Variants in EPB41L4A observed in about 807,000 individuals in gnomAD.
EPB41L4A encodes band 4.1-like protein 4A.
In EPB41L4A, 100 loss-of-function variants were observed where a neutral mutation model predicts 108.6. The observed-to-expected ratio is 0.92, with a 90% CI of 0.78 to 1.09. The LOEUF is 1.09. Ranked by LOEUF, EPB41L4A falls within the 50% of genes least tolerant of loss-of-function variation. The probability of loss-of-function intolerance (pLI) is 0.00; values close to 1 mark genes in which losing one functional copy is unlikely to be tolerated. For synonymous variants in EPB41L4A, 319 were observed against 289.0 expected (o/e 1.10, Z -1.05); for missense variants, 1,030 against 842.7 (o/e 1.22, Z -2.75).
At chr5:112,376,841 CAG>C (rs141783439) in intron 1 of EPB41L4A, among the ~76,000 whole-genome samples, 5,139 of 152,142 alleles carry the variant, frequency 0.034, 152 homozygotes, top group African/African-American at 0.078. Context: ...ATTATAGAAA[CAG>C]AGAATAGATT....
intron 1 of EPB41L4A, among the ~76,000 whole-genome samples, chr5:112,316,444 C>A (rs1455991102): frequency 6.6e-6 from 1 of 152,036 alleles, no homozygotes; most frequent in Non-Finnish European, 1.5e-5. Flanking sequence ...GCAAAGTGGG[C>A]GCACGGAGGA....
At chr5:112,210,094 T>C (rs1762663844) in intron 12 of EPB41L4A, 112 bp from the exon 13 acceptor site, 1 of 611,556 alleles carries the variant, frequency 1.6e-6, no homozygotes, top group Admixed American at 3.2e-5. Flanking sequence ...TGGCACATTT[T>C]ATTGATAAAT....
At chr5:112,410,740 G>A (rs1762360187) in intron 1 of EPB41L4A, among the ~76,000 whole-genome samples, 1 of 152,112 alleles carries the variant, frequency 6.6e-6, no homozygotes, top group Non-Finnish European at 1.5e-5. Flanking sequence ...TATCGCCCAA[G>A]AATGGCCATG....
chr5:112,155,597 T>G (rs936855731), intron 12 of EPB41L4A, among the ~76,000 whole-genome samples: 1 of 152,022 alleles, frequency 6.6e-6, no homozygotes, highest in Non-Finnish European at 1.5e-5. Context: ...CACCACCACA[T>G]CTTCCTCCCT....
rs538374186 is a variant in EPB41L4A at position 112,358,222 on chromosome 5, T to C, written c.100-50732A>G. On this transcript the variant is annotated intron_variant, in intron 1 of 22. Transcript: ENST00000261486. Reference sequence around the variant, plus strand: ...TCAAGGGAGAGGTAATGATTTGTCCTTACTGTATATGTCCAGCTGTGAACT... The same window carrying C: ...TCAAGGGAGAGGTAATGATTTGTCCCTACTGTATATGTCCAGCTGTGAACT... Among the ~76,000 whole-genome samples the C allele has an allele frequency of 3.3e-5, 5 of 152,362 alleles. No individual in the cohort carries two copies. The East Asian group carries it at 7.7e-4, about 24-fold the overall frequency.
Position 112,144,820 on chromosome 5 carries a change from T to A in EPB41L4A, n.1113-940A>T, listed in dbSNP as rs551897146. Among the ~76,000 whole-genome samples the A allele has an allele frequency of 6.1e-4, 93 of 152,268 alleles. 1 individual carries two copies. The highest frequency in any genetic ancestry group is 1.2e-3 in the Non-Finnish European group (79 of 68,020). ...TTGAATGTGTGACATAAATGTCACA[T>A]GTATGAATATGTAATCTTGTGCCCA... On this transcript the variant is annotated intron_variant and non_coding_transcript_variant, in intron 13 of 13. Transcript: ENST00000507810.
intron 15 of EPB41L4A, among the ~76,000 whole-genome samples, chr5:112,200,678 T>C (rs1220417661): frequency 6.6e-6 from 1 of 152,194 alleles, no homozygotes; most frequent in Non-Finnish European, 1.5e-5. Flanking sequence ...TGACTTTCTT[T>C]TTCTAGAATA....
At chr5:112,261,205 T>C (rs557527853) in intron 7 of EPB41L4A, among the ~76,000 whole-genome samples, 1 of 152,328 alleles carries the variant, frequency 6.6e-6, no homozygotes, top group South Asian at 2.1e-4. Flanking sequence ...AGGGAACTAC[T>C]TCTTCCCCAC....
At chr5:112,277,824 T>C (rs1752710729) in intron 3 of EPB41L4A, among the ~76,000 whole-genome samples, 1 of 152,218 alleles carries the variant, frequency 6.6e-6, no homozygotes, top group South Asian at 2.1e-4. Context: ...ATTCTAAGAC[T>C]GACTACAAAA....
chr5:112,310,812 C>T (rs12654353), intron 1 of EPB41L4A, among the ~76,000 whole-genome samples: 6,089 of 152,160 alleles, frequency 0.04, 476 homozygotes, highest in East Asian at 0.33. Flanking sequence ...AGGAATCAGG[C>T]TCCCAGAATA....
intron 1 of EPB41L4A, among the ~76,000 whole-genome samples, chr5:112,346,717 C>T (rs1417029983): frequency 6.6e-6 from 1 of 152,156 alleles, no homozygotes; most frequent in African/African-American, 2.4e-5. Context: ...GACTATCAAC[C>T]CTTTGTAATG....
chr5:112,176,881 A>G (rs1760896015), intron 18 of EPB41L4A, among the ~76,000 whole-genome samples: 1 of 150,106 alleles, frequency 6.7e-6, no homozygotes, highest in Admixed American at 6.7e-5. Flanking sequence ...CAGCCTCCCA[A>G]GTAGCTGGGA....
chr5:112,257,491 G>A (rs997059494), intron 9 of EPB41L4A, among the ~76,000 whole-genome samples: 5 of 152,132 alleles, frequency 3.3e-5, no homozygotes, highest in African/African-American at 4.8e-5. Flanking sequence ...AGGGTCATTC[G>A]ATGGAGACTG....
chr5:112,371,103 AATT>A, intron 1 of EPB41L4A, among the ~76,000 whole-genome samples: 2 of 152,212 alleles, frequency 1.3e-5, no homozygotes, highest in African/African-American at 4.8e-5. Context: ...TAATTTCTGT[AATT>A]TAATTTAGGA....
upstream of EPB41L4A, chr5:112,419,370 C>G: frequency 2.8e-6 from 1 of 361,756 alleles, no homozygotes; most frequent in Non-Finnish European, 5.3e-6. Flanking sequence ...GTCCTGGGGA[C>G]GACAAAAGTC....
chr5:112,408,973 G>A (rs1365355775), intron 1 of EPB41L4A, among the ~76,000 whole-genome samples: 1 of 151,954 alleles, frequency 6.6e-6, no homozygotes, highest in African/African-American at 2.4e-5. Context: ...ATACACAAGA[G>A]TAATTAAAGC....
chr5:112,347,288 T>C (rs1233617281), intron 1 of EPB41L4A, among the ~76,000 whole-genome samples: 2 of 152,232 alleles, frequency 1.3e-5, no homozygotes, highest in Non-Finnish European at 2.9e-5. Context: ...CCTGTTTCAC[T>C]GTGTTGACAT....
chr5:112,321,496 GCATT>G (rs1561569872), intron 1 of EPB41L4A, among the ~76,000 whole-genome samples: 1 of 152,072 alleles, frequency 6.6e-6, no homozygotes, highest in African/African-American at 2.4e-5. Flanking sequence ...AAAACATACT[GCATT>G]ATTATGTACA....
chr5:112,289,564 G>A (rs904894992), intron 2 of EPB41L4A, among the ~76,000 whole-genome samples: 1 of 152,210 alleles, frequency 6.6e-6, no homozygotes, highest in African/African-American at 2.4e-5. Context: ...GTCATGCACA[G>A]TGACCATGCT....
Sources: allele counts gnomAD v4.1 joint callset (sites outside exome capture counted in the v4.1 genomes callset), GRCh38; gene constraint gnomAD v4.1.1; transcripts MANE v1.5; gene names NCBI Gene and HGNC (gene_info 2026-07-23, HGNC 2026-07-21).